Variants in ZMYND8 observed in about 807,000 individuals in gnomAD.
ZMYND8 encodes the protein MYND-type zinc finger-containing chromatin reader ZMYND8.
A neutral mutation model predicts 140.8 loss-of-function variants in ZMYND8; 37 were observed. The ratio of observed to expected loss-of-function variants is 0.26; its 90% CI spans 0.20 to 0.35. The LOEUF (loss-of-function observed/expected upper bound fraction) is 0.35, where lower values mean the gene tolerates loss of function less well. ZMYND8 is among the 10% of genes least tolerant of loss of function. ZMYND8 has a pLI of 1.00. For synonymous variants in ZMYND8, 592 were observed against 597.1 expected (o/e 0.99, Z 0.12); for missense variants, 1,068 against 1,570.0 (o/e 0.68, Z 5.40).
At chr20:47,255,760 ATATAC>A (rs2074635849) in intron 12 of ZMYND8, among the ~76,000 whole-genome samples, 1 of 91,916 alleles carries the variant, frequency 1.1e-5, no homozygotes, top group Non-Finnish European at 2.0e-5. Flanking sequence ...ATATATATAT[ATATAC>A]GGTATATATA....
At chr20:47,274,406 C>T (rs1224494487) in intron 11 of ZMYND8, among the ~76,000 whole-genome samples, 1 of 152,190 alleles carries the variant, frequency 6.6e-6, no homozygotes, top group Non-Finnish European at 1.5e-5. Context: ...AATGAAAGTT[C>T]AGGCAACACT....
intron 22 of ZMYND8, among the ~76,000 whole-genome samples, chr20:47,211,960 T>C (rs1228681195): frequency 6.6e-6 from 1 of 152,220 alleles, no homozygotes; most frequent in Non-Finnish European, 1.5e-5. Context: ...AGAGAACTCT[T>C]CTTAGTCATG....
chr20:47,294,445 TA>T (rs1227685858), intron 5 of ZMYND8, among the ~76,000 whole-genome samples: 1 of 152,150 alleles, frequency 6.6e-6, no homozygotes, highest in Non-Finnish European at 1.5e-5. Context: ...GAAAACAGAC[TA>T]ATGTACCAAT....
Position 47,347,922 on chromosome 20 carries a change from C to G in ZMYND8, c.19G>C (p.Ala7Pro). MHPQSL[A>P]EEEIKTEQEV... ...TGTTCTGTTTTTATTTCCTCTTCAGCCAAGCTGAAACAGAGCAAATTATGT... is the reference window on the plus strand; with the variant it reads ...TGTTCTGTTTTTATTTCCTCTTCAGGCAAGCTGAAACAGAGCAAATTATGT... The change falls in exon 2 of 23, where the codon GCT becomes CCT. Residue 7 changes from alanine to proline, a missense_variant. By Grantham distance (27) the Ala-to-Pro change is conservative. This residue lies in a region of ZMYND8 where 77 missense variants were observed against 85.1 expected (regional missense o/e 0.91). Transcript: ENST00000471951. 1 of 1,613,806 alleles carries G rather than the reference C, an allele frequency of 6.2e-7. No homozygotes were observed. Among genetic ancestry groups the G allele is most frequent in the Non-Finnish European group, 8.5e-7 (1 of 1,180,020 alleles).
chr20:47,354,925 G>A (rs960949992), intron 1 of ZMYND8, among the ~76,000 whole-genome samples: 1 of 152,114 alleles, frequency 6.6e-6, no homozygotes, highest in Non-Finnish European at 1.5e-5. Context: ...CCTGAAAAAA[G>A]GCCAAAATGT....
At chr20:47,344,112 C>T (rs1036943197) in intron 2 of ZMYND8, among the ~76,000 whole-genome samples, 3 of 151,592 alleles carry the variant, frequency 2.0e-5, no homozygotes, top group African/African-American at 7.3e-5. Flanking sequence ...CGAGTAGTTG[C>T]GACTAGAGGT....
rs193082230 is a variant in ZMYND8, at chr20:47,216,076, G to A, written c.3485-3351C>T. On this transcript the variant is annotated intron_variant, in intron 21 of 22. Transcript: ENST00000471951. ...AGGCCCTGCAGAGGGCAGAGGAGCA[G>A]CCCTGAGCGCCCAGGGATGGTGACG... Among the ~76,000 whole-genome samples the A allele has an allele frequency of 4.4e-3, 671 of 152,360 alleles. 4 individuals are homozygous for A. The highest frequency in any genetic ancestry group is 0.015 in the African/African-American group (630 of 41,590).
chr20:47,355,895 T>C (rs2083194394), intron 1 of ZMYND8, among the ~76,000 whole-genome samples: 1 of 143,888 alleles, frequency 6.9e-6, no homozygotes, highest in South Asian at 2.2e-4. Flanking sequence ...TAGAAAACAC[T>C]TTCAGAAACA....
chr20:47,276,852 C>CT (rs2076284100), intron 10 of ZMYND8, 57 bp from the exon 11 acceptor site: 2 of 1,458,156 alleles, frequency 1.4e-6, no homozygotes, highest in Middle Eastern at 1.8e-4. Flanking sequence ...TCCAAGATTG[C>CT]TTTTTTCTTG....
intron 12 of ZMYND8, among the ~76,000 whole-genome samples, chr20:47,257,183 G>T (rs2074799176): frequency 6.6e-6 from 1 of 152,070 alleles, no homozygotes; most frequent in African/African-American, 2.4e-5. Flanking sequence ...CAAATGAGGG[G>T]AAACAGTGAA....
intron 2 of ZMYND8, among the ~76,000 whole-genome samples, chr20:47,310,762 G>A (rs1325164080): frequency 1.3e-5 from 2 of 150,584 alleles, no homozygotes; most frequent in Non-Finnish European, 3.0e-5. Flanking sequence ...CTCCAGCCTG[G>A]GGGACAGGGC....
chr20:47,243,483 A>C (rs1457584882), intron 14 of ZMYND8, among the ~76,000 whole-genome samples: 1 of 152,200 alleles, frequency 6.6e-6, no homozygotes, highest in East Asian at 1.9e-4. Context: ...TACTTCTTTT[A>C]ATCAACTAGA....
intron 14 of ZMYND8, among the ~76,000 whole-genome samples, chr20:47,245,769 T>C (rs772008467): frequency 1.3e-5 from 2 of 152,218 alleles, no homozygotes; most frequent in African/African-American, 4.8e-5. Context: ...AAATCAATCA[T>C]ACTGGATACC....
Position 47,219,055 on chromosome 20 carries a change from A to ATTTTTTTTTTTTTTTT in ZMYND8, c.3484+1187_3484+1202dup, listed in dbSNP as rs3092175. Among the ~76,000 whole-genome samples the ATTTTTTTTTTTTTTTT allele has an allele frequency of 3.4e-3, 382 of 110,874 alleles. 26 individuals are homozygous for ATTTTTTTTTTTTTTTT. The highest frequency in any genetic ancestry group is 5.4e-3 in the Non-Finnish European group (293 of 54,236). The allele number at this position is 110,874 out of a possible 152,430, so 72.7% of individuals were successfully genotyped here. A position where few individuals can be genotyped will look rare whatever the true frequency, so the allele number is the denominator to read the frequency against. ...AACATGGCAAAACCCCGTTTCTACA[A>ATTTTTTTTTTTTTTTT]TTTTTTTTTTTTTTTTTTTTGAGAG... On this transcript the variant is annotated intron_variant, in intron 21 of 22. Coordinates refer to ENST00000471951, the MANE Select transcript of ZMYND8 (RefSeq NM_001281775.3).
At chr20:47,346,670 G>A (rs1006620508) in intron 2 of ZMYND8, among the ~76,000 whole-genome samples, 4 of 151,802 alleles carry the variant, frequency 2.6e-5, no homozygotes, top group Admixed American at 6.6e-5. Flanking sequence ...GCAGTGGTGC[G>A]ATCTCAGCTC....
intron 2 of ZMYND8, among the ~76,000 whole-genome samples, chr20:47,329,796 G>T (rs961616173): frequency 1.3e-5 from 2 of 152,162 alleles, no homozygotes; most frequent in African/African-American, 2.4e-5. Context: ...AAAGAAGCAT[G>T]CCTGGCAAGC....
intron 1 of ZMYND8, chr20:47,348,188 T>G (rs2082489464): frequency 2.1e-6 from 1 of 481,598 alleles, no homozygotes; most frequent in African/African-American, 2.0e-5. Flanking sequence ...CAAAAGGCAA[T>G]TTTTTAGACA....
rs75532064 is a variant in ZMYND8 at position 47,297,931 on chromosome 20, G to A, written c.453+798C>T. Among the ~76,000 whole-genome samples the A allele has an allele frequency of 1.5e-3, 228 of 152,212 alleles. 3 individuals are homozygous for A. In the East Asian group the frequency reaches 0.04, roughly 27 times the overall value. On this transcript the variant is annotated intron_variant, in intron 4 of 22. Transcript: ENST00000471951. ...GAGGCATACACACTGCCCCGACTAC[G>A]CCCATGCACTGCTGCCTCCGGCCGT...
chr20:47,272,501 A>C (rs2076018038), intron 11 of ZMYND8, among the ~76,000 whole-genome samples: 1 of 152,178 alleles, frequency 6.6e-6, no homozygotes, highest in Non-Finnish European at 1.5e-5. Context: ...ACTTACATCG[A>C]GATCGCGCAA....
Sources: gnomAD v4.1 joint callset for allele counts (sites outside exome capture counted in the v4.1 genomes callset) on GRCh38, gnomAD v4.1.1 for gene constraint, gnomAD v4.1.1 regional missense constraint, MANE v1.5 for transcripts, NCBI Gene and HGNC (gene_info 2026-07-23, HGNC 2026-07-21) for gene names.